Variants in PTPRD observed in about 807,000 individuals in gnomAD.
PTPRD encodes the protein receptor-type tyrosine-protein phosphatase delta.
A neutral mutation model predicts 214.5 loss-of-function variants in PTPRD; 34 were observed. The ratio of observed to expected loss-of-function variants is 0.16; its 90% CI spans 0.12 to 0.21. PTPRD has a LOEUF of 0.21. Among genes scored for constraint, PTPRD ranks in the 10% least tolerant of loss-of-function variants. The pLI is 1.00. For synonymous variants in PTPRD, 1,128 were observed against 845.7 expected (o/e 1.33, Z -5.79); for missense variants, 2,545 against 2,398.7 (o/e 1.06, Z -1.27).
intron 8 of PTPRD, among the ~76,000 whole-genome samples, chr9:9,571,619 C>T (rs2086436904): frequency 6.6e-6 from 1 of 150,874 alleles, no homozygotes; most frequent in Non-Finnish European, 1.5e-5. Flanking sequence ...TTCATTTAGG[C>T]TTAAAGTAAA....
intron 10 of PTPRD, among the ~76,000 whole-genome samples, chr9:9,021,253 G>A (rs2099568718): frequency 6.6e-6 from 1 of 152,030 alleles, no homozygotes; most frequent in Admixed American, 6.6e-5. Context: ...ATATGACAGT[G>A]GTTTCGTAAG....
At chr9:9,413,264 G>A (rs1418448553) in intron 8 of PTPRD, among the ~76,000 whole-genome samples, 1 of 148,790 alleles carries the variant, frequency 6.7e-6, no homozygotes, top group East Asian at 2.0e-4. Flanking sequence ...ACAGGTGCCC[G>A]CCACCGCGCC....
intron 2 of PTPRD, among the ~76,000 whole-genome samples, chr9:10,372,054 TA>T (rs1357574106): frequency 6.6e-6 from 1 of 151,978 alleles, no homozygotes; most frequent in Non-Finnish European, 1.5e-5. Context: ...TGGAATCCAG[TA>T]ATGGTAGGAG....
At chr9:9,249,944 G>A (rs2099974774) in intron 9 of PTPRD, among the ~76,000 whole-genome samples, 1 of 151,996 alleles carries the variant, frequency 6.6e-6, no homozygotes, top group Admixed American at 6.6e-5. Context: ...ACAAACAGGA[G>A]GAAATTGGGA....
chr9:10,538,239 AAAATAAATAAATAAATAAATAAATAAAT>A (rs139133858), intron 2 of PTPRD, among the ~76,000 whole-genome samples: 24 of 130,354 alleles, frequency 1.8e-4, no homozygotes, highest in African/African-American at 6.6e-4. Context: ...GCCTCATCAT[AAAATAAATAAATAAATAAATAAATAAAT>A]AAATAAATAA....
At position 9,739,122 on chromosome 9, in the gene PTPRD, T is replaced by C. The variant is rs574717767; in HGVS notation, c.-325-4551A>G. On this transcript the variant is annotated intron_variant, in intron 6 of 45. Transcript: ENST00000381196. The stretch of plus-strand genomic sequence containing the variant: ...TCTAGTCTATTCAAATCCTTTAACT[T>C]TACTAAAAAGGCATGCATGTGTGTA... 1.4e-4 allele frequency among the ~76,000 whole-genome samples: 21 copies of C among 152,288 alleles called. No individual in the cohort carries two copies. In the South Asian group the frequency reaches 4.1e-3, roughly 30 times the overall value.
chr9:8,522,103 C>T (rs1564040381), intron 19 of PTPRD, among the ~76,000 whole-genome samples: 1 of 152,248 alleles, frequency 6.6e-6, no homozygotes, highest in East Asian at 1.9e-4. Flanking sequence ...GATGCAGCCT[C>T]AAGACCTCAC....
intron 3 of PTPRD, among the ~76,000 whole-genome samples, chr9:10,192,737 A>G (rs1375525533): frequency 6.6e-6 from 1 of 152,192 alleles, no homozygotes; most frequent in Non-Finnish European, 1.5e-5. Flanking sequence ...GAATAGCTCA[A>G]CTAGAGAGAG....
chr9:9,650,027 C>T (rs1330899391), intron 7 of PTPRD, among the ~76,000 whole-genome samples: 1 of 152,048 alleles, frequency 6.6e-6, no homozygotes, highest in Non-Finnish European at 1.5e-5. Flanking sequence ...TGTGTCCCCA[C>T]CAAAATCTCA....
intron 7 of PTPRD, among the ~76,000 whole-genome samples, chr9:9,586,595 T>C (rs943888260): frequency 2.0e-5 from 3 of 152,030 alleles, no homozygotes; most frequent in African/African-American, 7.2e-5. Context: ...AGGTGAAACA[T>C]CTTTAGTTGA....
chr9:8,340,267 A>T lies in PTPRD; in HGVS notation c.5253+76T>A, dbSNP rs1181324119. 3 of 1,463,558 alleles carry T rather than the reference A, an allele frequency of 2.0e-6. No individual in the cohort carries two copies. The African/African-American group carries it at 4.1e-5, about 20-fold the overall frequency. The allele number at this position is 1,463,558 out of a possible 1,614,324, so 90.7% of individuals were successfully genotyped here. ...TTCAAAAAAAATGATCTAGCACAAG[A>T]GTTATTGAAACAAAGTCTTCATTTC... On this transcript the variant is annotated intron_variant, in intron 42 of 45. Transcript: ENST00000381196.
At chr9:9,612,927 G>A (rs2094594240) in intron 7 of PTPRD, among the ~76,000 whole-genome samples, 1 of 151,350 alleles carries the variant, frequency 6.6e-6, no homozygotes, top group Admixed American at 6.6e-5. Flanking sequence ...GTATTTACAT[G>A]GCCAGTTCTA....
chr9:9,692,507 C>A lies in PTPRD; in HGVS notation c.-287+42026G>T, dbSNP rs138346118. ...TTATGTGTCTGTTTTTATGCCAGTACTATGCTGTTTTGGTTGCTATAACTC... is the reference window on the plus strand; with the variant it reads ...TTATGTGTCTGTTTTTATGCCAGTAATATGCTGTTTTGGTTGCTATAACTC... On this transcript the variant is annotated intron_variant, in intron 7 of 45. Transcript: ENST00000381196. 2.6e-5 allele frequency among the ~76,000 whole-genome samples: 4 copies of A among 152,006 alleles called. No homozygotes were observed. The East Asian group carries it at 5.8e-4, about 22-fold the overall frequency.
At chr9:9,903,057 A>G (rs2076764503) in intron 5 of PTPRD, among the ~76,000 whole-genome samples, 1 of 150,986 alleles carries the variant, frequency 6.6e-6, no homozygotes, top group African/African-American at 2.5e-5. Flanking sequence ...TTACATATGT[A>G]TATGTGTATT....
chr9:9,855,004 G>A (rs1326192981), intron 5 of PTPRD, among the ~76,000 whole-genome samples: 1 of 151,892 alleles, frequency 6.6e-6, no homozygotes, highest in African/African-American at 2.4e-5. Flanking sequence ...ATAAAATGAA[G>A]CAAAATCAAC....
At chr9:8,362,412 G>A (rs941193959) in intron 39 of PTPRD, among the ~76,000 whole-genome samples, 11 of 152,142 alleles carry the variant, frequency 7.2e-5, no homozygotes, top group East Asian at 3.9e-4. Context: ...TCAGACACAC[G>A]AAAGAGGGAT....
chr9:10,561,240 G>C (rs750719195), intron 2 of PTPRD, among the ~76,000 whole-genome samples: 1 of 152,096 alleles, frequency 6.6e-6, no homozygotes, highest in Admixed American at 6.6e-5. Flanking sequence ...TGAAAAGTAG[G>C]AATAGTAGCA....
intron 14 of PTPRD, among the ~76,000 whole-genome samples, chr9:8,583,627 A>G (rs943613552): frequency 1.3e-5 from 2 of 152,264 alleles, no homozygotes. Context: ...ACTATTTAAC[A>G]TATATGCACA....
At chr9:8,463,308 CAAAAAAAAAAAAA>C (rs71308864) in intron 32 of PTPRD, among the ~76,000 whole-genome samples, 6 of 28,850 alleles carry the variant, frequency 2.1e-4, no homozygotes, top group South Asian at 1.7e-3. Context: ...CAGAGGCAGC[CAAAAAAAAAAAAA>C]AAAAAAAAAA....
Sources: allele counts gnomAD v4.1 joint callset (sites outside exome capture counted in the v4.1 genomes callset), GRCh38; gene constraint gnomAD v4.1.1; transcripts MANE v1.5; gene names NCBI Gene and HGNC (gene_info 2026-07-23, HGNC 2026-07-21).